Variants in AARS1 observed in about 807,000 individuals in gnomAD.
The protein encoded by AARS1 is alanine--tRNA ligase, cytoplasmic.
A neutral mutation model predicts 108.9 loss-of-function variants in AARS1; 72 were observed. That is an observed-to-expected ratio of 0.66 (90% CI 0.55 to 0.80). The LOEUF is 0.80. Among genes scored for constraint, AARS1 ranks in the 30% least tolerant of loss-of-function variants. The probability of loss-of-function intolerance (pLI) is 0.00; values close to 1 mark genes in which losing one functional copy is unlikely to be tolerated. For missense variants in AARS1, 1,193 were observed against 1,233.2 expected, an observed-to-expected ratio of 0.97 and a Z score of 0.49; for synonymous variants, 489 against 465.7, an observed-to-expected ratio of 1.05 and a Z score of -0.64.
chr16:70,289,264 A>G (rs1960968151), intron 1 of AARS1, among the ~76,000 whole-genome samples, 157 bp downstream of exon 1: 1 of 152,074 alleles, frequency 6.6e-6, no homozygotes, highest in Admixed American at 6.6e-5. Flanking sequence ...GGGCGAACGC[A>G]AGGCCACACT....
chr16:70,252,563 T>C lies in AARS1; in HGVS notation c.*158A>G. Reference sequence around the variant, plus strand: ...ACGTGGAGGGCTCAGGGCAGAAATTTAAGGGGCACTGAGACATAGGACTGC... The same window carrying C: ...ACGTGGAGGGCTCAGGGCAGAAATTCAAGGGGCACTGAGACATAGGACTGC... On this transcript the variant is annotated 3_prime_UTR_variant, in exon 21 of 21. Coordinates refer to ENST00000261772, the MANE Select transcript of AARS1 (RefSeq NM_001605.3). 1.3e-6 allele frequency: 1 copy of C among 779,052 alleles called. No individual in the cohort carries two copies. The highest frequency in any genetic ancestry group is 2.1e-6 in the Non-Finnish European group (1 of 472,580). 48.3% of individuals were successfully genotyped at this position (779,052 alleles called of 1,614,324 possible). A position where few individuals can be genotyped will look rare whatever the true frequency, so the allele number is the denominator to read the frequency against.
chr16:70,272,100 T>C, intron 4 of AARS1, 128 bp from the exon 5 acceptor site: 1 of 827,330 alleles, frequency 1.2e-6, no homozygotes, highest in Non-Finnish European at 2.0e-6. Context: ...CACTCCAGCC[T>C]AGACAACAGA....
chr16:70,253,713 C>T lies in AARS1; in HGVS notation c.2607+1G>A. 6.2e-7 allele frequency: 1 copy of T among 1,613,640 alleles called. No individual in the cohort carries two copies. Among genetic ancestry groups the T allele is most frequent in the East Asian group, 2.2e-5 (1 of 44,890 alleles). On this transcript the variant is annotated splice_donor_variant, in intron 19 of 20. Transcript: ENST00000261772. LOFTEE classifies it high-confidence loss of function. ...GGAGGGGACCCTGGCCCCTGGGTTG[C>T]CTTGGCTGAGGCGCCGCTCTCCATC...
chr16:70,258,065 GC>G lies in AARS1; in HGVS notation c.2144del (p.Gly715AlafsTer3). 1 of 1,614,148 alleles carries G rather than the reference GC, an allele frequency of 6.2e-7. No individual in the cohort carries two copies. Among genetic ancestry groups the G allele is most frequent in the Non-Finnish European group, 8.5e-7 (1 of 1,180,036 alleles). ...ELLDDPSGPA[G>X]SLTSVEFCGG... Reference sequence around the variant, plus strand: ...CACAGAACTCAACAGAAGTCAGGGAGCCAGCAGGCCCAGAGGGGTCATCCAG... The same window carrying G: ...CACAGAACTCAACAGAAGTCAGGGAGCAGCAGGCCCAGAGGGGTCATCCAG... On this transcript the variant is annotated frameshift_variant, in exon 15 of 21. Transcript: ENST00000261772. LOFTEE classifies it high-confidence loss of function.
chr16:70,258,189 G>T lies in AARS1; in HGVS notation c.2021C>A (p.Ala674Glu), dbSNP rs1453816042. The change falls in exon 15 of 21, where the codon GCA (alanine) becomes GAA (glutamate). Residue 674 changes from alanine (A) to glutamate (E), a missense_variant. Coordinates refer to ENST00000261772, the MANE Select transcript of AARS1 (RefSeq NM_001605.3). Reference protein sequence around the residue: ...KAVYTQDCPLAAAKAIQGLRA... With the variant: ...KAVYTQDCPLEAAKAIQGLRA... ...TAGGCCCTGGATGGCTTTCGCTGCT[G>T]CCAGGGGGCAATCCTGGGTATAGAC... The T allele has an allele frequency of 6.2e-7, 1 of 1,602,208 alleles. No homozygotes were observed. The highest frequency in any genetic ancestry group is 1.3e-5 in the African/African-American group (1 of 74,674).
chr16:70,255,487 T>C (rs1959966570), intron 16 of AARS1, among the ~76,000 whole-genome samples: 1 of 152,094 alleles, frequency 6.6e-6, no homozygotes, highest in African/African-American at 2.4e-5. Context: ...CGTGAGCCAC[T>C]GCGTCCGGCC....
Position 70,252,628 on chromosome 16 carries a change from T to C in AARS1, c.*93A>G. On this transcript the variant is annotated 3_prime_UTR_variant, in exon 21 of 21. Transcript: ENST00000261772. ...CAGTTACTGCTGGGTTAGGAGGGGCTCTTTAAAGGTCCCAAGATTCAAATG... is the reference window on the plus strand; with the variant it reads ...CAGTTACTGCTGGGTTAGGAGGGGCCCTTTAAAGGTCCCAAGATTCAAATG... 1 of 1,421,034 alleles carries C rather than the reference T, an allele frequency of 7.0e-7. No individual in the cohort carries two copies. The highest frequency in any genetic ancestry group is 1.2e-5 in the South Asian group (1 of 86,360). The allele number at this position is 1,421,034 out of a possible 1,614,324, so 88.0% of individuals were successfully genotyped here.
chr16:70,277,319 A>C (rs1416002303), intron 2 of AARS1, among the ~76,000 whole-genome samples, 165 bp from the exon 3 acceptor site: 1 of 152,188 alleles, frequency 6.6e-6, no homozygotes, highest in African/African-American at 2.4e-5. Context: ...GCCAAAGCAG[A>C]GGGTAGCCTC....
intron 2 of AARS1, among the ~76,000 whole-genome samples, chr16:70,277,805 T>C (rs74835675): frequency 0.071 from 10,617 of 148,826 alleles, 1,259 homozygotes; most frequent in African/African-American, 0.25. Flanking sequence ...CAGGCTGGAG[T>C]ACAGTGGCAC....
chr16:70,254,155 G>A (rs1959920414), intron 17 of AARS1, 117 bp from the exon 18 acceptor site: 5 of 1,432,516 alleles, frequency 3.5e-6, no homozygotes, highest in Non-Finnish European at 4.9e-6. Context: ...AGGAAAGCAA[G>A]GAAAGCTTTG....
chr16:70,264,007 G>A (rs1220902652), intron 11 of AARS1, among the ~76,000 whole-genome samples: 2 of 151,972 alleles, frequency 1.3e-5, no homozygotes, highest in East Asian at 4.0e-4. Context: ...CAGCACTTTG[G>A]GAGGCCAAGG....
At chr16:70,253,058 C>T (rs1280327844) in intron 20 of AARS1, 152 bp from the exon 21 acceptor site, 19 of 988,744 alleles carry the variant, frequency 1.9e-5, no homozygotes, top group Middle Eastern at 2.2e-4. Flanking sequence ...GTACAGGGGG[C>T]GGCCATGGCC....
At chr16:70,269,233 T>C (rs183526262) in intron 7 of AARS1, among the ~76,000 whole-genome samples, 17 of 149,136 alleles carry the variant, frequency 1.1e-4, no homozygotes, top group African/African-American at 3.5e-4. Flanking sequence ...GGGAAAAGAA[T>C]TGCTTGAACT....
Position 70,282,518 on chromosome 16 carries a change from G to C in AARS1, c.144+102C>G, listed in dbSNP as rs529220780. On this transcript the variant is annotated intron_variant, in intron 2 of 20. Coordinates refer to ENST00000261772, the MANE Select transcript of AARS1 (RefSeq NM_001605.3). ...AAAGTTTCACAAGATCACACAGGGA[G>C]TGACAGAACCAGAATCGGTCTGACC... 2.1e-6 allele frequency: 3 copies of C among 1,415,812 alleles called. No homozygotes were observed. The Admixed American group carries it at 5.1e-5, about 24-fold the overall frequency. 87.7% of individuals were successfully genotyped at this position (1,415,812 alleles called of 1,614,324 possible).
At chr16:70,255,668 C>T (rs1567601909) in intron 16 of AARS1, 60 bp downstream of exon 16, 15 of 1,471,526 alleles carry the variant, frequency 1.0e-5, no homozygotes, top group East Asian at 9.1e-5. Context: ...TCTATGGATT[C>T]GCAGACTGGG....
intron 12 of AARS1, 129 bp downstream of exon 12, chr16:70,262,217 A>G (rs1960148922): frequency 8.6e-7 from 1 of 1,163,312 alleles, no homozygotes; most frequent in East Asian, 2.3e-5. Flanking sequence ...CGGCTTCAGA[A>G]ATACCATGGA....
At chr16:70,269,471 T>G (rs1054657223) in intron 7 of AARS1, 147 bp downstream of exon 7, 2 of 1,172,530 alleles carry the variant, frequency 1.7e-6, no homozygotes, top group Non-Finnish European at 2.4e-6. Context: ...CAGGCAGAGG[T>G]TGCAGTGAGG....
intron 11 of AARS1, among the ~76,000 whole-genome samples, chr16:70,264,566 C>T (rs1185764432): frequency 1.1e-4 from 17 of 152,004 alleles, no homozygotes; most frequent in Admixed American, 1.1e-3. Flanking sequence ...ATCCACCTGC[C>T]CCGGCCTCCC....
Position 70,267,686 on chromosome 16 carries a change from T to C in AARS1, c.1195A>G (p.Ser399Gly), listed in dbSNP as rs377624420. The C allele has an allele frequency of 1.2e-6, 2 of 1,614,018 alleles. No individual in the cohort carries two copies. The highest frequency in any genetic ancestry group is 2.7e-5 in the African/African-American group (2 of 74,896). Residue 399 changes from serine to glycine, a missense_variant, in exon 9 of 21, where the codon AGC (serine) becomes GGC (glycine). Transcript: ENST00000261772. ...GRRILDRKIQ[S>G]LGDSKTIPGD... ...GGAATGGTCTTGCTGTCTCCCAGGCTCTGAATTTTCCTGTCCAGGATGCGA... is the reference window on the plus strand; with the variant it reads ...GGAATGGTCTTGCTGTCTCCCAGGCCCTGAATTTTCCTGTCCAGGATGCGA...
Sources: allele counts gnomAD v4.1 joint callset (sites outside exome capture counted in the v4.1 genomes callset), GRCh38; gene constraint gnomAD v4.1.1; transcripts MANE v1.5; gene names NCBI Gene and HGNC (gene_info 2026-07-23, HGNC 2026-07-21).